The following WIPF3 variants were observed in gnomAD, a reference collection of about 807,000 sequenced individuals.
WIPF3 encodes WAS/WASL interacting protein family member 3.
A neutral mutation model predicts 38.9 loss-of-function variants in WIPF3; 33 were observed. That is an observed-to-expected ratio of 0.85 (90% confidence interval 0.64 to 1.14). The LOEUF is 1.14. Ranked by LOEUF, WIPF3 falls within the 50% of genes most tolerant of loss-of-function variation. The pLI, the probability that WIPF3 is intolerant of heterozygous loss-of-function variation, is 0.00. For missense variants in WIPF3, 711 were observed against 652.5 expected, an observed-to-expected ratio of 1.09 and a Z score of -0.98; for synonymous variants, 324 against 269.3, an observed-to-expected ratio of 1.20 and a Z score of -1.99.
intron 8 of WIPF3, among the ~76,000 whole-genome samples, chr7:29,911,085 C>CA (rs1482634331): frequency 6.0e-5 from 9 of 150,522 alleles, no homozygotes; most frequent in African/African-American, 2.2e-4. Context: ...ACAAAGTCAA[C>CA]ACACAAAAAT....
intron 7 of WIPF3, among the ~76,000 whole-genome samples, chr7:29,900,638 A>T (rs1199329954): frequency 6.6e-6 from 1 of 152,222 alleles, no homozygotes; most frequent in African/African-American, 2.4e-5. Context: ...ATCATTTCCA[A>T]TCACACTTGT....
chr7:29,896,399 G>C (rs1165018346), intron 7 of WIPF3, among the ~76,000 whole-genome samples: 1 of 152,186 alleles, frequency 6.6e-6, no homozygotes, highest in African/African-American at 2.4e-5. Context: ...TGGATGGCTT[G>C]AGCTCAAGAG....
intron 7 of WIPF3, among the ~76,000 whole-genome samples, chr7:29,898,303 A>C (rs1786197634): frequency 6.6e-6 from 1 of 152,120 alleles, no homozygotes; most frequent in Admixed American, 6.5e-5. Flanking sequence ...CTACTCCTGC[A>C]TCCAACTTAC....
chr7:29,876,630 C>T (rs188864586), intron 3 of WIPF3, among the ~76,000 whole-genome samples: 3 of 152,326 alleles, frequency 2.0e-5, no homozygotes, highest in East Asian at 1.9e-4. Flanking sequence ...TGTAGGGTAA[C>T]ATTTAAAGAT....
At chr7:29,885,488 C>T (rs1785856784) in intron 5 of WIPF3, among the ~76,000 whole-genome samples, 1 of 152,134 alleles carries the variant, frequency 6.6e-6, no homozygotes, top group African/African-American at 2.4e-5. Context: ...TTAAAAATAA[C>T]GCAAGCTTGT....
At chr7:29,810,257 C>G (rs1257495934) in intron 1 of WIPF3, among the ~76,000 whole-genome samples, 1 of 152,182 alleles carries the variant, frequency 6.6e-6, no homozygotes, top group African/African-American at 2.4e-5. Context: ...CATGTTGCAC[C>G]CTGCTGTGGT....
chr7:29,902,043 G>T (rs978394463), intron 7 of WIPF3, among the ~76,000 whole-genome samples: 7 of 151,910 alleles, frequency 4.6e-5, no homozygotes, highest in Non-Finnish European at 7.4e-5. Context: ...CATCTAGTGC[G>T]TAGAGACCGG....
At chr7:29,860,148 AAAC>A (rs1323989607) in intron 2 of WIPF3, among the ~76,000 whole-genome samples, 2 of 152,178 alleles carry the variant, frequency 1.3e-5, no homozygotes, top group Non-Finnish European at 2.9e-5. Context: ...TAAATTGGAG[AAAC>A]AACATGAAAG....
At chr7:29,839,449 A>C (rs913103658) in intron 2 of WIPF3, among the ~76,000 whole-genome samples, 11 of 152,206 alleles carry the variant, frequency 7.2e-5, no homozygotes, top group Admixed American at 2.6e-4. Context: ...TCTCTTTAAA[A>C]TGGATCAAAC....
chr7:29,884,370 G>GCCC lies in WIPF3; in HGVS notation c.878_879insCCC (p.Pro295dup). The stretch of plus-strand genomic sequence containing the variant: ...AAGATGCGCAGGAGCCTCCCGCCCC[G>GCCC]CCGCCCCCGCTCCCCCCTTATGCTT... On this transcript the variant is annotated inframe_insertion, in exon 5 of 9. Coordinates refer to ENST00000242140, the MANE Select transcript of WIPF3 (RefSeq NM_001080529.3). The GCCC allele has an allele frequency of 1.6e-5, 6 of 374,144 alleles. No homozygotes were observed. Among genetic ancestry groups the GCCC allele is most frequent in the South Asian group, 1.3e-4 (3 of 23,086 alleles). The allele number at this position is 374,144 out of a possible 1,614,324, so 23.2% of individuals were successfully genotyped here. A position where few individuals can be genotyped will look rare whatever the true frequency, so the allele number is the denominator to read the frequency against.
Position 29,878,757 on chromosome 7 carries a change from C to T in WIPF3, c.224-252C>T, listed in dbSNP as rs922566722. Among the ~76,000 whole-genome samples the T allele has an allele frequency of 6.6e-6, 1 of 152,152 alleles. No homozygotes were observed. Among genetic ancestry groups the T allele is most frequent in the African/African-American group, 2.4e-5 (1 of 41,428 alleles). ...TGTTCAGGTCCCTTTGTTTTGGTCA[C>T]TTTTCAGGGGAGCTGGGCACAGATG... is the stretch of plus-strand genomic sequence containing the variant. On this transcript the variant is annotated intron_variant, in intron 3 of 8. Coordinates refer to ENST00000242140, the MANE Select transcript of WIPF3 (RefSeq NM_001080529.3). The surrounding 1 kb of genome is among the most constrained non-coding windows in gnomAD (Gnocchi z 4.0).
At chr7:29,807,295 C>G (rs572094539) in intron 1 of WIPF3, among the ~76,000 whole-genome samples, 3 of 152,334 alleles carry the variant, frequency 2.0e-5, no homozygotes, top group Non-Finnish European at 4.4e-5. Flanking sequence ...CCCTCCCGTG[C>G]TCATCTCCAA....
rs944158114 is a variant in WIPF3, at chr7:29,902,256, TTTCTTCTTC to T, written c.1352-2018_1352-2010del. Among the ~76,000 whole-genome samples, 167 of 136,986 alleles carry T rather than the reference TTTCTTCTTC, an allele frequency of 1.2e-3. 8 individuals are homozygous for T. The highest frequency in any genetic ancestry group is 1.8e-3 in the East Asian group (8 of 4,328). The allele number at this position is 136,986 out of a possible 152,430, so 89.9% of individuals were successfully genotyped here. On this transcript the variant is annotated intron_variant, in intron 7 of 8. Coordinates refer to ENST00000242140, the MANE Select transcript of WIPF3 (RefSeq NM_001080529.3). ...TAGACAAGGGGCTGTATATTAGTGTTTTCTTCTTCTTCTTCTTCTTTTTTTTTTTTTTTT... is the reference window on the plus strand; with the variant it reads ...TAGACAAGGGGCTGTATATTAGTGTTTTCTTCTTCTTTTTTTTTTTTTTTT...
At chr7:29,822,123 G>GTTTTTTTTTTTTTTTTTTTTTTTTTTAT in intron 1 of WIPF3, among the ~76,000 whole-genome samples, 1 of 62,834 alleles carries the variant, frequency 1.6e-5, no homozygotes, top group South Asian at 5.6e-4. Flanking sequence ...TTTTTTCTTA[G>GTTTTTTTTTTTTTTTTTTTTTTTTTTAT]TTTTTTTTTT....
intron 2 of WIPF3, among the ~76,000 whole-genome samples, chr7:29,869,180 C>T (rs554659588): frequency 6.9e-4 from 16 of 23,064 alleles, no homozygotes; most frequent in African/African-American, 2.0e-3. Flanking sequence ...CAGGCATGTG[C>T]CACACACCTG....
At chr7:29,832,026 G>A (rs1178023232) in intron 1 of WIPF3, among the ~76,000 whole-genome samples, 1 of 152,126 alleles carries the variant, frequency 6.6e-6, no homozygotes, top group Non-Finnish European at 1.5e-5. Flanking sequence ...TAGGTAAGTG[G>A]TATTTCCGTT....
At chr7:29,877,706 T>C (rs1484764873) in intron 3 of WIPF3, among the ~76,000 whole-genome samples, 1 of 152,232 alleles carries the variant, frequency 6.6e-6, no homozygotes, top group Non-Finnish European at 1.5e-5. Flanking sequence ...ACGCAAGCTT[T>C]GTTTTATGCA....
chr7:29,876,188 G>T (rs992733731), intron 3 of WIPF3, among the ~76,000 whole-genome samples: 1 of 152,204 alleles, frequency 6.6e-6, no homozygotes, highest in African/African-American at 2.4e-5. Flanking sequence ...ATGCTAAAAA[G>T]AACAACTCTG....
intron 7 of WIPF3, among the ~76,000 whole-genome samples, chr7:29,897,109 A>G (rs889709517): frequency 6.6e-6 from 1 of 152,040 alleles, no homozygotes; most frequent in Non-Finnish European, 1.5e-5. Context: ...AGCCTGGTTT[A>G]TTTTACTTAG....
Sources: gnomAD v4.1 joint callset for allele counts (sites outside exome capture counted in the v4.1 genomes callset) on GRCh38, gnomAD v4.1.1 for gene constraint, Gnocchi (gnomAD v3.1) non-coding constraint, MANE v1.5 for transcripts, NCBI Gene and HGNC (gene_info 2026-07-23, HGNC 2026-07-21) for gene names.